The following CDH18 variants were observed in gnomAD, a reference collection of about 807,000 sequenced individuals.
CDH18 encodes cadherin-18.
CDH18 carries 31 observed loss-of-function variants against 67.9 expected under a neutral mutation model. The ratio of observed to expected loss-of-function variants is 0.46; its 90% CI spans 0.34 to 0.62. CDH18 has a LOEUF of 0.62. Ranked by LOEUF, CDH18 falls within the 20% of genes least tolerant of loss-of-function variation. CDH18 has a pLI of 0.01. For synonymous variants in CDH18, 362 were observed against 347.2 expected (o/e 1.04, Z -0.48); for missense variants, 890 against 975.5 (o/e 0.91, Z 1.17).
At chr5:20,068,987 C>G (rs906540275) in intron 2 of CDH18, among the ~76,000 whole-genome samples, 3 of 151,998 alleles carry the variant, frequency 2.0e-5, no homozygotes, top group African/African-American at 7.3e-5. Flanking sequence ...TTTTTTTGCC[C>G]TTCTAATTCA....
intron 2 of CDH18, among the ~76,000 whole-genome samples, chr5:19,949,162 C>T (rs1795551559): frequency 6.6e-6 from 1 of 152,110 alleles, no homozygotes; most frequent in South Asian, 2.1e-4. Context: ...AGAAAAATAA[C>T]ATTAAGTCTA....
chr5:20,564,138 C>G (rs1758368299), intron 1 of CDH18, among the ~76,000 whole-genome samples: 1 of 152,020 alleles, frequency 6.6e-6, no homozygotes, highest in Non-Finnish European at 1.5e-5. Flanking sequence ...CTCCAGGGCC[C>G]ATACTTCCTG....
intron 5 of CDH18, among the ~76,000 whole-genome samples, chr5:19,708,532 C>A (rs1332145920): frequency 6.6e-6 from 1 of 152,132 alleles, no homozygotes; most frequent in East Asian, 1.9e-4. Flanking sequence ...AAAATCTCTG[C>A]AGCACTGTGA....
chr5:20,085,551 A>C (rs1483403385), intron 2 of CDH18, among the ~76,000 whole-genome samples: 1 of 152,162 alleles, frequency 6.6e-6, no homozygotes, highest in Non-Finnish European at 1.5e-5. Context: ...TTACTGTATT[A>C]GTCTGTTTTC....
intron 8 of CDH18, among the ~76,000 whole-genome samples, chr5:19,549,676 G>A (rs1737003049): frequency 7.7e-6 from 1 of 130,676 alleles, no homozygotes; most frequent in African/African-American, 2.8e-5. Flanking sequence ...GGGAGGGAGG[G>A]AAAGAAGAAA....
intron 2 of CDH18, among the ~76,000 whole-genome samples, chr5:19,938,246 G>A (rs1264394759): frequency 1.3e-5 from 2 of 150,988 alleles, no homozygotes; most frequent in East Asian, 3.9e-4. Flanking sequence ...AGGGATGAGG[G>A]ACTCAATGAT....
intron 2 of CDH18, among the ~76,000 whole-genome samples, chr5:19,855,497 T>C (rs1784184497): frequency 1.3e-5 from 2 of 152,170 alleles, no homozygotes; most frequent in Non-Finnish European, 2.9e-5. Context: ...TTATTTTTTT[T>C]CTTGTTTTAA....
intron 5 of CDH18, among the ~76,000 whole-genome samples, chr5:19,638,250 A>T (rs1441624134): frequency 2.0e-5 from 3 of 152,244 alleles, no homozygotes; most frequent in African/African-American, 7.2e-5. Context: ...TTCTAGAATT[A>T]CGACAGTGAG....
intron 1 of CDH18, among the ~76,000 whole-genome samples, chr5:20,521,444 T>C (rs1755738422): frequency 6.6e-6 from 1 of 152,134 alleles, no homozygotes; most frequent in Non-Finnish European, 1.5e-5. Context: ...GAATTAGCCA[T>C]AGGATTTAGC....
intron 2 of CDH18, among the ~76,000 whole-genome samples, chr5:19,901,631 T>C (rs1789945755): frequency 6.6e-6 from 1 of 152,042 alleles, no homozygotes; most frequent in African/African-American, 2.4e-5. Flanking sequence ...AATGTTCACA[T>C]AGGCATTAAA....
intron 2 of CDH18, among the ~76,000 whole-genome samples, chr5:19,932,403 T>G (rs1268892509): frequency 1.3e-5 from 2 of 151,770 alleles, no homozygotes; most frequent in African/African-American, 4.8e-5. Context: ...CCATCAAAAA[T>G]CTATGTAGAT....
chr5:19,608,851 C>T (rs1748499656), intron 6 of CDH18, among the ~76,000 whole-genome samples: 1 of 151,788 alleles, frequency 6.6e-6, no homozygotes, highest in African/African-American at 2.4e-5. Flanking sequence ...AAGGTTGATT[C>T]ATTGTGATTA....
intron 1 of CDH18, among the ~76,000 whole-genome samples, chr5:20,434,791 G>A (rs1024303697): frequency 1.3e-5 from 2 of 151,878 alleles, no homozygotes; most frequent in Non-Finnish European, 2.9e-5. Flanking sequence ...AACTAAAAAG[G>A]GTGTCAGTGT....
At chr5:19,517,129 T>G (rs1746156758) in intron 10 of CDH18, among the ~76,000 whole-genome samples, 1 of 152,128 alleles carries the variant, frequency 6.6e-6, no homozygotes, top group African/African-American at 2.4e-5. Flanking sequence ...TTCTCCACAA[T>G]TTACCAAAAA....
At chr5:19,578,768 T>C (rs921716614) in intron 7 of CDH18, among the ~76,000 whole-genome samples, 1 of 151,966 alleles carries the variant, frequency 6.6e-6, no homozygotes, top group African/African-American at 2.4e-5. Context: ...CTCATTATAG[T>C]TTTTTTCCTA....
chr5:20,285,627 T>G (rs1746641616), intron 1 of CDH18, among the ~76,000 whole-genome samples: 1 of 151,518 alleles, frequency 6.6e-6, no homozygotes, highest in African/African-American at 2.4e-5. Flanking sequence ...ATATGAGTGA[T>G]GAATACTCAA....
chr5:20,345,919 T>C (rs1740662427), intron 1 of CDH18, among the ~76,000 whole-genome samples: 1 of 152,160 alleles, frequency 6.6e-6, no homozygotes, highest in African/African-American at 2.4e-5. Flanking sequence ...ATGTCACAAA[T>C]TATGCATGTA....
At chr5:19,647,520 A>T (rs1754938584) in intron 5 of CDH18, among the ~76,000 whole-genome samples, 1 of 107,736 alleles carries the variant, frequency 9.3e-6, no homozygotes, top group African/African-American at 3.7e-5. Context: ...ACAGAGCGAG[A>T]CTCCATCAAA....
chr5:19,560,033 C>G (rs569616094), intron 8 of CDH18, among the ~76,000 whole-genome samples: 1 of 151,110 alleles, frequency 6.6e-6, no homozygotes, highest in Admixed American at 6.6e-5. Context: ...CAAATGGAAA[C>G]ATATCCCATG....
Sources: allele counts gnomAD v4.1 joint callset (sites outside exome capture counted in the v4.1 genomes callset), GRCh38; gene constraint gnomAD v4.1.1; transcripts MANE v1.5; gene names NCBI Gene and HGNC (gene_info 2026-07-23, HGNC 2026-07-21).